Variants in DGKB observed in about 807,000 individuals in gnomAD.
The protein encoded by DGKB is diacylglycerol kinase beta, also known as 90 kDa diacylglycerol kinase.
In DGKB, 67 loss-of-function variants were observed where a neutral mutation model predicts 114.3. That is an observed-to-expected ratio of 0.59 (90% CI 0.48 to 0.72). The LOEUF (loss-of-function observed/expected upper bound fraction) is 0.72. Among genes scored for constraint, DGKB ranks in the 30% least tolerant of loss-of-function variants. The probability of loss-of-function intolerance (pLI) is 0.00; values close to 1 mark genes in which losing one functional copy is unlikely to be tolerated. For synonymous variants in DGKB, 398 were observed against 323.1 expected (o/e 1.23, Z -2.49); for missense variants, 907 against 975.2 (o/e 0.93, Z 0.93).
chr7:14,538,039 G>A (rs1053678494), intron 20 of DGKB, among the ~76,000 whole-genome samples: 7 of 127,150 alleles, frequency 5.5e-5, no homozygotes, highest in Admixed American at 1.0e-4. Context: ...GAGATCATGC[G>A]TTTGCTGGAA....
At chr7:14,215,221 G>A (rs1239843620) in intron 23 of DGKB, among the ~76,000 whole-genome samples, 2 of 152,084 alleles carry the variant, frequency 1.3e-5, no homozygotes, top group African/African-American at 4.8e-5. Context: ...GCAATCTAGG[G>A]CAAATATAAA....
At chr7:14,927,580 T>G (rs1784810408) in intron 1 of DGKB, among the ~76,000 whole-genome samples, 1 of 151,786 alleles carries the variant, frequency 6.6e-6, no homozygotes, top group African/African-American at 2.4e-5. Flanking sequence ...ACAGAAGTCA[T>G]GGTCAAAAAA....
intron 12 of DGKB, among the ~76,000 whole-genome samples, chr7:14,674,271 G>C (rs1379541163): frequency 6.6e-6 from 1 of 152,080 alleles, no homozygotes; most frequent in African/African-American, 2.4e-5. Flanking sequence ...CTATAAAAAA[G>C]TGATTTAATT....
intron 21 of DGKB, among the ~76,000 whole-genome samples, chr7:14,466,472 C>T (rs1239963270): frequency 6.6e-6 from 1 of 152,122 alleles, no homozygotes; most frequent in South Asian, 2.1e-4. Context: ...TTTTTAAACA[C>T]AGTGACAGGC....
At chr7:14,745,122 A>T (rs905567573) in intron 4 of DGKB, among the ~76,000 whole-genome samples, 2 of 152,184 alleles carry the variant, frequency 1.3e-5, no homozygotes, top group Non-Finnish European at 2.9e-5. Flanking sequence ...TTATCTGGGC[A>T]TGCTGACAGC....
Position 14,582,392 on chromosome 7 carries a change from T to G in DGKB, c.1519+660A>C, listed in dbSNP as rs559426358. Among the ~76,000 whole-genome samples, 31 of 152,286 alleles carry G rather than the reference T, an allele frequency of 2.0e-4. No homozygotes were observed. The South Asian group carries it at 6.4e-3, about 32-fold the overall frequency. ...GTGATGTTCCTGTATTATTTGCTCA[T>G]AAAAATCGAGCGTTTTCAGTTTAAA... On this transcript the variant is annotated intron_variant, in intron 18 of 25. Coordinates refer to ENST00000402815, the MANE Select transcript of DGKB (RefSeq NM_001350709.2).
chr7:14,833,320 A>C (rs1422824560), intron 2 of DGKB, among the ~76,000 whole-genome samples: 1 of 152,078 alleles, frequency 6.6e-6, no homozygotes, highest in Non-Finnish European at 1.5e-5. Context: ...AAAATCTTCA[A>C]TATCTTCAGA....
At chr7:14,865,010 C>G (rs1358744574) in intron 1 of DGKB, among the ~76,000 whole-genome samples, 2 of 152,016 alleles carry the variant, frequency 1.3e-5, no homozygotes, top group African/African-American at 2.4e-5. Context: ...AGAGTAGACG[C>G]AAAAGTCACA....
At chr7:14,890,986 CATT>C (rs1292025213) in intron 1 of DGKB, among the ~76,000 whole-genome samples, 2 of 151,020 alleles carry the variant, frequency 1.3e-5, no homozygotes, top group African/African-American at 2.4e-5. Flanking sequence ...AATAGAATAA[CATT>C]ATTGAGTATT....
intron 17 of DGKB, among the ~76,000 whole-genome samples, chr7:14,592,797 A>G (rs1801920576): frequency 6.6e-6 from 1 of 151,918 alleles, no homozygotes; most frequent in African/African-American, 2.4e-5. Flanking sequence ...TATCAATTTA[A>G]TGTGACTCTC....
At chr7:14,945,888 A>G (rs867342297) in intron 1 of DGKB, among the ~76,000 whole-genome samples, 5 of 151,750 alleles carry the variant, frequency 3.3e-5, no homozygotes, top group African/African-American at 1.2e-4. Flanking sequence ...TATAGTAGAC[A>G]AGTCACAACG....
chr7:14,345,459 C>G (rs1294062080), intron 21 of DGKB, 68 bp from the exon 22 acceptor site: 3 of 761,512 alleles, frequency 3.9e-6, no homozygotes, highest in Non-Finnish European at 6.5e-6. Flanking sequence ...AAAAAATGGT[C>G]TAACTCTGTC....
At position 14,698,158 on chromosome 7, in the gene DGKB, A is replaced by G; in HGVS notation, c.528T>C (p.Asn176=). The part of the protein sequence containing the change: ...NGFLDSSELE[N]IISQMMHVAE... ...CAACATGCATCATCTGACTGATGAT[A>G]TTTTCTAGCTCCTGGAAGAGAAAGA... Residue 176 remains asparagine (N), a synonymous_variant, in exon 8 of 26, where the codon AAT becomes AAC. Coordinates refer to ENST00000402815, the MANE Select transcript of DGKB (RefSeq NM_001350709.2). 2.0e-6 allele frequency: 3 copies of G among 1,526,606 alleles called. No individual in the cohort carries two copies. The highest frequency in any genetic ancestry group is 2.6e-6 in the Non-Finnish European group (3 of 1,138,190). The allele number at this position is 1,526,606 out of a possible 1,614,324, so 94.6% of individuals were successfully genotyped here.
chr7:14,302,923 G>T (rs990852334), intron 23 of DGKB, among the ~76,000 whole-genome samples: 1 of 152,100 alleles, frequency 6.6e-6, no homozygotes, highest in Non-Finnish European at 1.5e-5. Flanking sequence ...ATAGGCCAAC[G>T]AAAATTATTT....
chr7:14,554,815 G>A (rs1048414713), intron 20 of DGKB, among the ~76,000 whole-genome samples: 3 of 151,504 alleles, frequency 2.0e-5, no homozygotes, highest in Non-Finnish European at 4.4e-5. Context: ...TTTTTCATCT[G>A]GCTATTCAGT....
chr7:14,214,093 A>G (rs1788573944), intron 23 of DGKB, among the ~76,000 whole-genome samples: 1 of 151,910 alleles, frequency 6.6e-6, no homozygotes, highest in Non-Finnish European at 1.5e-5. Context: ...AGCTGCAATT[A>G]TTTCCTAACT....
intron 23 of DGKB, among the ~76,000 whole-genome samples, chr7:14,302,613 T>G (rs1343573563): frequency 2.0e-5 from 3 of 152,088 alleles, no homozygotes; most frequent in Non-Finnish European, 4.4e-5. Context: ...ACTTGAACTT[T>G]CTTCTCTTCC....
chr7:14,271,296 T>C (rs1798240259), intron 23 of DGKB, among the ~76,000 whole-genome samples: 1 of 152,192 alleles, frequency 6.6e-6, no homozygotes, highest in Non-Finnish European at 1.5e-5. Context: ...TTGCTCACTA[T>C]TTTTATGATC....
In DGKB at chr7:14,682,454, G is replaced by C. The variant is rs1820999961; in HGVS notation, c.1035+99C>G. On this transcript the variant is annotated intron_variant, in intron 12 of 25. Transcript: ENST00000402815. ...TTCCATGGTTTTATGCTTACACTCA[G>C]TTTCAGGAAGCCCTTCTAGGGTAGG... is the stretch of plus-strand genomic sequence containing the variant. 18 of 782,752 alleles carry C rather than the reference G, an allele frequency of 2.3e-5. No homozygotes were observed. The South Asian group carries it at 2.9e-4, about 13-fold the overall frequency. 48.5% of individuals were successfully genotyped at this position (782,752 alleles called of 1,614,324 possible). A position where few individuals can be genotyped will look rare whatever the true frequency, so the allele number is the denominator to read the frequency against.
Sources: allele counts gnomAD v4.1 joint callset (sites outside exome capture counted in the v4.1 genomes callset), GRCh38; gene constraint gnomAD v4.1.1; transcripts MANE v1.5; gene names NCBI Gene and HGNC (gene_info 2026-07-23, HGNC 2026-07-21).